Variants in RIN3 observed in about 807,000 individuals in gnomAD.
RIN3 encodes RAB5 interacting protein 3.
Under a neutral mutation model 76.3 loss-of-function variants are expected in RIN3, and 54 were observed. That is an observed-to-expected ratio of 0.71 (90% confidence interval 0.57 to 0.89). The LOEUF (loss-of-function observed/expected upper bound fraction) is 0.89. Ranked by LOEUF, RIN3 falls within the 40% of genes least tolerant of loss-of-function variation. RIN3 has a pLI of 0.00. For missense variants in RIN3, 1,256 were observed against 1,322.1 expected (o/e 0.95, Z 0.78); for synonymous variants, 576 against 564.0 (o/e 1.02, Z -0.30).
In RIN3 at chr14:92,568,304, G is replaced by A. The variant is rs879684183; in HGVS notation, c.250-9056G>A. ...CTTGGAGTATGACCTGGGGACACTC[G>A]ATCAGCGAGTGGGCAGGGAGGCAAT... On this transcript the variant is annotated intron_variant, in intron 2 of 9. Transcript: ENST00000216487. This position sits in a 1 kb window ranked among gnomAD's most constrained non-coding sequence, Gnocchi z 4.2. Among the ~76,000 whole-genome samples the A allele has an allele frequency of 6.6e-6, 1 of 152,186 alleles. No individual in the cohort carries two copies. Among genetic ancestry groups the A allele is most frequent in the Non-Finnish European group, 1.5e-5 (1 of 68,038 alleles).
intron 7 of RIN3, among the ~76,000 whole-genome samples, chr14:92,662,059 G>C (rs544094073): frequency 6.6e-6 from 1 of 152,352 alleles, no homozygotes; most frequent in Admixed American, 6.5e-5. Flanking sequence ...AGCTCTTGGC[G>C]AGTTTGACCT....
intron 1 of RIN3, among the ~76,000 whole-genome samples, chr14:92,523,049 C>T (rs998410408): frequency 1.3e-5 from 2 of 152,302 alleles, no homozygotes; most frequent in East Asian, 3.9e-4. Flanking sequence ...AGACCATCAT[C>T]CCAGCTACAG....
At chr14:92,547,072 T>TATA (rs1566836521) in intron 1 of RIN3, among the ~76,000 whole-genome samples, 1 of 114,022 alleles carries the variant, frequency 8.8e-6, no homozygotes, top group Non-Finnish European at 1.9e-5. Flanking sequence ...TATATTTTAT[T>TATA]TTATATTATA....
At chr14:92,635,539 A>C (rs1198108931) in intron 4 of RIN3, among the ~76,000 whole-genome samples, 2 of 152,174 alleles carry the variant, frequency 1.3e-5, no homozygotes, top group Admixed American at 6.5e-5. Flanking sequence ...ACTCACATCT[A>C]GGAATGTATT....
chr14:92,652,419 C>G lies in RIN3; in HGVS notation c.1370C>G (p.Pro457Arg). 6.2e-7 allele frequency: 1 copy of G among 1,613,590 alleles called. No homozygotes were observed. Among genetic ancestry groups the G allele is most frequent in the Non-Finnish European group, 8.5e-7 (1 of 1,179,808 alleles). The change falls in exon 6 of 10, where the codon CCA becomes CGA. Residue 457 changes from proline to arginine, a missense_variant. By Grantham distance (103) the Pro-to-Arg change is moderately radical. Around this residue, in one of 3 missense-constraint regions of RIN3, gnomAD observed 610 missense variants for 626.4 expected, o/e 0.97. Transcript: ENST00000216487. The surrounding 1 kb of genome is among the most constrained non-coding windows in gnomAD (Gnocchi z 6.4). ...PELPRTAKQP[P>R]VPPPRKKRIS... ...CTGCCCAGGACAGCCAAACAACCCCCAGTCCCGCCCCCCAGGAAAAAACGG... is the reference window on the plus strand; with the variant it reads ...CTGCCCAGGACAGCCAAACAACCCCGAGTCCCGCCCCCCAGGAAAAAACGG...
At chr14:92,583,664 A>T (rs982443411) in intron 3 of RIN3, among the ~76,000 whole-genome samples, 6 of 152,266 alleles carry the variant, frequency 3.9e-5, no homozygotes, top group Non-Finnish European at 7.3e-5. Context: ...TATTAGAAGT[A>T]ACCTAGAAAT....
intron 2 of RIN3, among the ~76,000 whole-genome samples, chr14:92,559,859 C>A (rs74437226): frequency 6.6e-6 from 1 of 152,150 alleles, no homozygotes; most frequent in Non-Finnish European, 1.5e-5. Context: ...TAGAGCCTAC[C>A]GGAACCCTGG....
Position 92,652,315 on chromosome 14 carries a change from T to G in RIN3, c.1266T>G (p.Pro422=). 6.2e-7 allele frequency: 1 copy of G among 1,607,186 alleles called. No homozygotes were observed. Among genetic ancestry groups the G allele is most frequent in the Non-Finnish European group, 8.5e-7 (1 of 1,175,736 alleles). The part of the protein sequence containing the change: ...SLPPQGTSDG[P]EDTPRESTEQ... The stretch of plus-strand genomic sequence containing the variant: ...CTCCCCAAGGGACCTCAGACGGCCC[T>G]GAGGACACGCCCCGGGAGAGCACGG... Residue 422 remains proline (P), a synonymous_variant, in exon 6 of 10, where the codon CCT becomes CCG. Transcript: ENST00000216487. The surrounding 1 kb of genome is among the most constrained non-coding windows in gnomAD (Gnocchi z 6.4).
intron 3 of RIN3, among the ~76,000 whole-genome samples, chr14:92,607,928 T>C (rs9788530): frequency 0.038 from 5,859 of 152,312 alleles, 250 homozygotes; most frequent in East Asian, 0.19. Context: ...TCAAAAGATA[T>C]ATACTTTGTG....
intron 1 of RIN3, among the ~76,000 whole-genome samples, chr14:92,551,762 T>C (rs1176588226): frequency 6.6e-6 from 1 of 152,264 alleles, no homozygotes; most frequent in African/African-American, 2.4e-5. Context: ...CTTTGAAGTA[T>C]CTGTTCAAAT....
intron 3 of RIN3, among the ~76,000 whole-genome samples, chr14:92,587,448 GA>G (rs1377336687): frequency 2.6e-5 from 4 of 152,346 alleles, no homozygotes. Flanking sequence ...GACAGTGGAG[GA>G]GTTTGTTTTG....
At chr14:92,614,441 C>G (rs1036283349) in intron 3 of RIN3, among the ~76,000 whole-genome samples, 2 of 152,188 alleles carry the variant, frequency 1.3e-5, no homozygotes, top group Non-Finnish European at 2.9e-5. Context: ...CATTTACAGT[C>G]TAGAAACTTC....
intron 1 of RIN3, chr14:92,515,388 A>T (rs1225223479): frequency 6.9e-6 from 4 of 580,342 alleles, no homozygotes; most frequent in Non-Finnish European, 1.2e-5. Flanking sequence ...CCGGCTTCTC[A>T]TTTTCCCCAG....
chr14:92,530,727 T>A (rs74072929), intron 1 of RIN3, among the ~76,000 whole-genome samples: 5,443 of 152,130 alleles, frequency 0.036, 293 homozygotes, highest in African/African-American at 0.12. Flanking sequence ...TCTCCGTGCT[T>A]TATCCCAAGG....
At chr14:92,572,578 G>T (rs1898092124) in intron 2 of RIN3, among the ~76,000 whole-genome samples, 2 of 152,194 alleles carry the variant, frequency 1.3e-5, no homozygotes, top group African/African-American at 4.8e-5. Context: ...GGACTCTCCT[G>T]CCCTGCTGAT....
At chr14:92,571,928 G>T (rs1728077562) in intron 2 of RIN3, among the ~76,000 whole-genome samples, 1 of 152,184 alleles carries the variant, frequency 6.6e-6, no homozygotes, top group Non-Finnish European at 1.5e-5. Context: ...AGCATCCTCA[G>T]TTCTTGCCTC....
chr14:92,576,694 G>A (rs142940715), intron 2 of RIN3, among the ~76,000 whole-genome samples: 17 of 152,322 alleles, frequency 1.1e-4, no homozygotes, highest in African/African-American at 3.6e-4. Context: ...GTTATAATCA[G>A]AGAGTACCTC....
At chr14:92,687,433 T>A (rs903202761) in intron 9 of RIN3, 1 of 154,906 alleles carries the variant, frequency 6.5e-6, no homozygotes, top group African/African-American at 2.4e-5. Context: ...TACCAATCCC[T>A]GCCCCACGCA....
intron 1 of RIN3, among the ~76,000 whole-genome samples, chr14:92,535,669 C>CTTT (rs59009829): frequency 1.4e-4 from 13 of 94,106 alleles, no homozygotes; most frequent in Non-Finnish European, 2.2e-4. Context: ...CTGGAACAGA[C>CTTT]TTTTTTTTTT....
Sources: allele counts gnomAD v4.1 joint callset (sites outside exome capture counted in the v4.1 genomes callset), GRCh38; gene constraint gnomAD v4.1.1; regional missense constraint gnomAD v4.1.1; non-coding constraint Gnocchi (gnomAD v3.1); transcripts MANE v1.5; gene names NCBI Gene and HGNC (gene_info 2026-07-23, HGNC 2026-07-21).